NCKAP5: variants seen among roughly 807,000 people sequenced by gnomAD.
NCKAP5 encodes NCK associated protein 5, also known as nck-associated protein 5.
A neutral mutation model predicts 167.0 loss-of-function variants in NCKAP5; 92 were observed. That is an observed-to-expected ratio of 0.55 (90% CI 0.47 to 0.66). The LOEUF is 0.66. NCKAP5 is among the 30% of genes least tolerant of loss of function. The pLI is 0.00. For synonymous variants in NCKAP5, 891 were observed against 877.4 expected, an observed-to-expected ratio of 1.02 and a Z score of -0.27; for missense variants, 2,378 against 2,315.0, an observed-to-expected ratio of 1.03 and a Z score of -0.56.
chr2:133,512,489 T>C (rs1404298594), intron 3 of NCKAP5, among the ~76,000 whole-genome samples: 1 of 152,204 alleles, frequency 6.6e-6, no homozygotes, highest in Non-Finnish European at 1.5e-5. Context: ...ATAAAATAGC[T>C]ACATTTGATC....
chr2:133,512,469 G>A (rs73003144), intron 3 of NCKAP5, among the ~76,000 whole-genome samples: 1 of 152,108 alleles, frequency 6.6e-6, no homozygotes, highest in South Asian at 2.1e-4. Flanking sequence ...TAATTAAAGT[G>A]TTTTTGTAAA....
At chr2:133,510,367 G>GTA (rs769218288) in intron 3 of NCKAP5, among the ~76,000 whole-genome samples, 3 of 148,150 alleles carry the variant, frequency 2.0e-5, no homozygotes, top group Admixed American at 2.0e-4. Flanking sequence ...ACACAAAATT[G>GTA]TATATATATG....
intron 6 of NCKAP5, among the ~76,000 whole-genome samples, chr2:133,061,384 C>A (rs1325164128): frequency 1.3e-5 from 2 of 152,206 alleles, no homozygotes; most frequent in African/African-American, 4.8e-5. Context: ...CTCATTTAAT[C>A]CTCAAAACTC....
intron 5 of NCKAP5, among the ~76,000 whole-genome samples, chr2:133,201,977 T>G (rs901523379): frequency 6.6e-6 from 1 of 152,138 alleles, no homozygotes; most frequent in Non-Finnish European, 1.5e-5. Flanking sequence ...AATTTATAGA[T>G]TCAATGCCAT....
intron 4 of NCKAP5, among the ~76,000 whole-genome samples, chr2:133,246,520 C>T (rs72985658): frequency 3.3e-5 from 5 of 152,256 alleles, no homozygotes; most frequent in African/African-American, 4.8e-5. Context: ...CTGATGCTGC[C>T]GCCAATTGCT....
chr2:132,869,531 G>T (rs1690629223), intron 9 of NCKAP5, among the ~76,000 whole-genome samples: 1 of 152,104 alleles, frequency 6.6e-6, no homozygotes, highest in African/African-American at 2.4e-5. Flanking sequence ...ATATAATCTG[G>T]TAGTTGTTTA....
At chr2:133,672,682 T>C in the NCKAP5 span, among the ~76,000 whole-genome samples, 1 of 152,128 alleles carries the variant, frequency 6.6e-6, no homozygotes, top group African/African-American at 2.4e-5. Context: ...AAAGCAGCCA[T>C]AGATAATATA....
At chr2:133,319,696 C>T (rs1681893425) in intron 3 of NCKAP5, among the ~76,000 whole-genome samples, 2 of 152,126 alleles carry the variant, frequency 1.3e-5, no homozygotes, top group African/African-American at 4.8e-5. Flanking sequence ...TCATGAAAAT[C>T]AGCCACTCTT....
intron 5 of NCKAP5, among the ~76,000 whole-genome samples, chr2:133,134,283 C>T (rs1351513762): frequency 2.0e-5 from 3 of 152,228 alleles, no homozygotes. Context: ...CCACAAAAAA[C>T]TCTTTCAAGG....
intron 3 of NCKAP5, among the ~76,000 whole-genome samples, chr2:133,514,211 C>G (rs964516773): frequency 1.3e-5 from 2 of 152,168 alleles, no homozygotes. Context: ...CTTTAACCCC[C>G]ACAATGAAAC....
At chr2:132,693,856 C>T (rs1280491942) in intron 19 of NCKAP5, among the ~76,000 whole-genome samples, 1 of 151,856 alleles carries the variant, frequency 6.6e-6, no homozygotes, top group Non-Finnish European at 1.5e-5. Flanking sequence ...AAACTCCTGA[C>T]CTTGTGATCC....
At chr2:132,883,644 G>A (rs1318695641) in intron 8 of NCKAP5, among the ~76,000 whole-genome samples, 1 of 152,138 alleles carries the variant, frequency 6.6e-6, no homozygotes, top group Non-Finnish European at 1.5e-5. Flanking sequence ...GTCCACCTGT[G>A]TGCAGTGCTG....
chr2:132,928,863 G>A (rs372522818), intron 8 of NCKAP5, among the ~76,000 whole-genome samples: 1 of 152,100 alleles, frequency 6.6e-6, no homozygotes, highest in African/African-American at 2.4e-5. Context: ...GCTCATGCCT[G>A]TAATCCCAAC....
Position 132,973,303 on chromosome 2 carries a change from C to T in NCKAP5, c.430-9434G>A, listed in dbSNP as rs142710830. Among the ~76,000 whole-genome samples, 363 of 152,270 alleles carry T rather than the reference C, an allele frequency of 2.4e-3. 1 individual carries two copies. Among genetic ancestry groups the T allele is most frequent in the African/African-American group, 8.1e-3 (336 of 41,546 alleles). ...AACCTTCTTGCGGATCATCAAGCAC[C>T]GTCTCACTAGGATCTAAAAGTCTAT... On this transcript the variant is annotated intron_variant, in intron 7 of 19. Transcript: ENST00000409261.
chr2:132,953,148 C>T (rs1473459635), intron 8 of NCKAP5, among the ~76,000 whole-genome samples: 2 of 152,192 alleles, frequency 1.3e-5, no homozygotes, highest in African/African-American at 4.8e-5. Flanking sequence ...ATGGCACTTG[C>T]ACATATAAAC....
At chr2:133,437,529 C>T (rs961164614) in intron 3 of NCKAP5, among the ~76,000 whole-genome samples, 1 of 152,192 alleles carries the variant, frequency 6.6e-6, no homozygotes, top group Non-Finnish European at 1.5e-5. Context: ...AGCCTTCTTT[C>T]TCAGCTGAAT....
At position 133,468,091 on chromosome 2, in the gene NCKAP5, A is replaced by C. The variant is rs1185397201; in HGVS notation, c.69+49367T>G. ...TTGCTCTTGCTTTTCTAGTTCTTTT[A>C]ATTGTGATGTTAGGGTGTCAATTTT... On this transcript the variant is annotated intron_variant, in intron 3 of 19. Coordinates refer to ENST00000409261, the MANE Select transcript of NCKAP5 (RefSeq NM_207363.3). Among the ~76,000 whole-genome samples the C allele has an allele frequency of 4.8e-5, 6 of 124,116 alleles. 2 individuals carry two copies. The highest frequency in any genetic ancestry group is 9.8e-5 in the Non-Finnish European group (6 of 61,358). The allele number at this position is 124,116 out of a possible 152,430, so 81.4% of individuals were successfully genotyped here. A position where few individuals can be genotyped will look rare whatever the true frequency, so the allele number is the denominator to read the frequency against.
chr2:133,552,861 G>A (rs534884710), intron 2 of NCKAP5, among the ~76,000 whole-genome samples: 1 of 152,212 alleles, frequency 6.6e-6, no homozygotes, highest in African/African-American at 2.4e-5. Context: ...TTTCTTATCA[G>A]TTCAACCATC....
chr2:132,985,664 TAAAAC>T lies in NCKAP5; in HGVS notation c.429+8483_429+8487del, dbSNP rs1339360132. ...TGTTATATGAACAGTGGATGCCACT[TAAAAC>T]AAAAGAGGAAGAAAGAAATCTGCTT... On this transcript the variant is annotated intron_variant, in intron 7 of 19. Transcript: ENST00000409261. 1.1e-4 allele frequency among the ~76,000 whole-genome samples: 16 copies of T among 152,304 alleles called. No individual in the cohort carries two copies. In the East Asian group the frequency reaches 2.9e-3, roughly 28 times the overall value.
Sources: allele counts gnomAD v4.1 joint callset (sites outside exome capture counted in the v4.1 genomes callset), GRCh38; gene constraint gnomAD v4.1.1; transcripts MANE v1.5; gene names NCBI Gene and HGNC (gene_info 2026-07-23, HGNC 2026-07-21).